PRCP: variants seen among roughly 807,000 people sequenced by gnomAD.
PRCP encodes lysosomal Pro-X carboxypeptidase.
Under a neutral mutation model 54.2 loss-of-function variants are expected in PRCP, and 46 were observed. The observed-to-expected ratio is 0.85, with a 90% CI of 0.67 to 1.09. PRCP has a LOEUF of 1.09. PRCP is among the 50% of genes least tolerant of loss of function. The pLI is 0.00. For synonymous variants in PRCP, 240 were observed against 212.2 expected (o/e 1.13, Z -1.14); for missense variants, 613 against 596.8 (o/e 1.03, Z -0.28).
At chr11:82,842,441 T>C (rs1223135723) in intron 6 of PRCP, among the ~76,000 whole-genome samples, 4 of 152,134 alleles carry the variant, frequency 2.6e-5, no homozygotes, top group Non-Finnish European at 4.4e-5. Context: ...TCCAGCTTTG[T>C]ACACAACTTA....
At chr11:82,841,149 G>A (rs1858657917) in intron 6 of PRCP, among the ~76,000 whole-genome samples, 1 of 149,336 alleles carries the variant, frequency 6.7e-6, no homozygotes, top group Non-Finnish European at 1.5e-5. Flanking sequence ...CTGGGCAGCA[G>A]GAATAACAGG....
In PRCP at chr11:82,838,296, A is replaced by G. The variant is rs956881986; in HGVS notation, c.1274+91T>C. The G allele has an allele frequency of 1.7e-5, 21 of 1,219,866 alleles. No individual in the cohort carries two copies. In the African/African-American group the frequency reaches 3.0e-4, roughly 18 times the overall value. The allele number at this position is 1,219,866 out of a possible 1,614,324, so 75.6% of individuals were successfully genotyped here. A position where few individuals can be genotyped will look rare whatever the true frequency, so the allele number is the denominator to read the frequency against. On this transcript the variant is annotated intron_variant, in intron 8 of 8. Transcript: ENST00000313010. ...TAGCACTGTTGTATTCTATGTTGTT[A>G]TATTGTCCAGCATTTCCCTGGTTCT...
chr11:82,898,439 C>T (rs1860167984), intron 1 of PRCP, among the ~76,000 whole-genome samples: 3 of 152,206 alleles, frequency 2.0e-5, no homozygotes, highest in African/African-American at 7.2e-5. Context: ...TTCTCTTTTT[C>T]ATCAATCCCA....
intron 1 of PRCP, among the ~76,000 whole-genome samples, chr11:82,893,233 AG>A (rs1266132873): frequency 6.6e-6 from 1 of 152,234 alleles, no homozygotes; most frequent in Non-Finnish European, 1.5e-5. Context: ...TCAGCCACTT[AG>A]TCTCTGAGTG....
intron 1 of PRCP, among the ~76,000 whole-genome samples, chr11:82,889,057 CAGG>C (rs1417871467): frequency 1.6e-5 from 2 of 122,584 alleles, no homozygotes; most frequent in Non-Finnish European, 3.2e-5. Flanking sequence ...ACACACTGTC[CAGG>C]AGATTTAAAA....
At chr11:82,895,266 G>A (rs936404754) in intron 1 of PRCP, among the ~76,000 whole-genome samples, 1 of 152,194 alleles carries the variant, frequency 6.6e-6, no homozygotes, top group South Asian at 2.1e-4. Flanking sequence ...TACTCAGGTA[G>A]TGGCAGAAAC....
rs1168355743 is a variant in PRCP at position 82,838,408 on chromosome 11, G to T, written c.1253C>A (p.Ser418Ter). 1.9e-6 allele frequency: 3 copies of T among 1,611,204 alleles called. No individual in the cohort carries two copies. The highest frequency in any genetic ancestry group is 2.2e-5 in the East Asian group (1 of 44,860). ...TTMYGGKNIS[S>*]HTNIVFSNGE... is the part of the protein sequence containing the mutation. ...TCACCTGAAAACAATGTTTGTGTGTGAACTAATGTTTTTGCCTCCATACAT... is the reference window on the plus strand; with the variant it reads ...TCACCTGAAAACAATGTTTGTGTGTTAACTAATGTTTTTGCCTCCATACAT... Residue 418 changes from serine (S) to a stop codon, truncating the protein, a stop_gained, in exon 8 of 9, where the codon TCA (serine) becomes TAA (stop). Transcript: ENST00000313010. LOFTEE classifies it high-confidence loss of function.
intron 6 of PRCP, among the ~76,000 whole-genome samples, chr11:82,841,263 C>T (rs1426810804): frequency 9.1e-6 from 1 of 110,420 alleles, no homozygotes; most frequent in South Asian, 2.7e-4. Context: ...CAGCTGCCAG[C>T]GGGGGAAAAA....
chr11:82,894,475 G>A (rs1374668411), intron 1 of PRCP, among the ~76,000 whole-genome samples: 1 of 152,152 alleles, frequency 6.6e-6, no homozygotes, highest in Non-Finnish European at 1.5e-5. Context: ...CTATAAACAG[G>A]AGGCACTCAG....
intron 1 of PRCP, among the ~76,000 whole-genome samples, chr11:82,878,885 T>C (rs74954373): frequency 1.3e-5 from 2 of 152,178 alleles, no homozygotes; most frequent in Non-Finnish European, 2.9e-5. Context: ...TCTTGTAGAG[T>C]TTCTGCCAAG....
chr11:82,828,345 CA>C (rs1229489398), intron 8 of PRCP: 3 of 149,390 alleles, frequency 2.0e-5, no homozygotes, highest in Admixed American at 6.7e-5. Context: ...GCTTTGGGAT[CA>C]GACACACTTT....
At chr11:82,885,823 A>T (rs192276711) in intron 1 of PRCP, among the ~76,000 whole-genome samples, 19 of 152,298 alleles carry the variant, frequency 1.2e-4, no homozygotes, top group African/African-American at 4.6e-4. Flanking sequence ...TTTATACTCA[A>T]GTTGTTGGGA....
At position 82,850,308 on chromosome 11, in the gene PRCP, G is replaced by C. The variant is rs1470078383; in HGVS notation, c.593+16C>G. On this transcript the variant is annotated intron_variant, in intron 4 of 8. Transcript: ENST00000313010. ...AATCATTAAGAAACGTTCATGTCCA[G>C]TACAAATGCACTTACCCAACTACCA... 1 of 1,485,922 alleles carries C rather than the reference G, an allele frequency of 6.7e-7. No individual in the cohort carries two copies. The highest frequency in any genetic ancestry group is 9.0e-7 in the Non-Finnish European group (1 of 1,112,030). 92.0% of individuals were successfully genotyped at this position (1,485,922 alleles called of 1,614,324 possible). A position where few individuals can be genotyped will look rare whatever the true frequency, so the allele number is the denominator to read the frequency against.
rs141086731 is a variant in PRCP, at chr11:82,883,838, G to GT, written c.168+16396dup. ...TTCCCATCTCTTTTAAAGGGTTGTT[G>GT]TTTTTTTAGAAATTAGACTACATAA... On this transcript the variant is annotated intron_variant, in intron 1 of 8. Coordinates refer to ENST00000313010, the MANE Select transcript of PRCP (RefSeq NM_005040.4). 3.3e-3 allele frequency among the ~76,000 whole-genome samples: 502 copies of GT among 152,194 alleles called. 3 individuals carry two copies. Among genetic ancestry groups the GT allele is most frequent in the African/African-American group, 0.012 (481 of 41,520 alleles).
chr11:82,847,383 C>A (rs1346240001), intron 6 of PRCP, among the ~76,000 whole-genome samples: 6 of 152,182 alleles, frequency 3.9e-5, no homozygotes, highest in Non-Finnish European at 5.9e-5. Flanking sequence ...CCTACTTCTA[C>A]CACCTCTTAG....
chr11:82,839,470 T>G, intron 6 of PRCP, 45 bp from the exon 7 acceptor site: 1 of 1,536,528 alleles, frequency 6.5e-7, no homozygotes, highest in Non-Finnish European at 8.9e-7. Context: ...AGAATATGAA[T>G]ATAAAATGAC....
chr11:82,866,134 A>G (rs1015277933), intron 1 of PRCP, among the ~76,000 whole-genome samples: 11 of 152,192 alleles, frequency 7.2e-5, no homozygotes, highest in African/African-American at 2.7e-4. Context: ...TAAATGTTCT[A>G]CCTTTACTCA....
In PRCP at chr11:82,891,010, A is replaced by G. The variant is rs574254829; in HGVS notation, c.168+9225T>C. On this transcript the variant is annotated intron_variant, in intron 1 of 8. Transcript: ENST00000313010. Reference sequence around the variant, plus strand: ...CTAACTCCTTTGTTGCTCTCTTCCAATCTCATGGTTTTACATACCATCTGT... The same window carrying G: ...CTAACTCCTTTGTTGCTCTCTTCCAGTCTCATGGTTTTACATACCATCTGT... 2.0e-5 allele frequency among the ~76,000 whole-genome samples: 3 copies of G among 152,280 alleles called. No homozygotes were observed. The South Asian group carries it at 6.2e-4, about 32-fold the overall frequency.
chr11:82,897,848 T>C (rs11233366), intron 1 of PRCP, among the ~76,000 whole-genome samples: 37,094 of 152,094 alleles, frequency 0.24, 5,692 homozygotes, highest in African/African-American at 0.44. Flanking sequence ...TAAAACCACA[T>C]CCTTTATATA....
Sources: allele counts gnomAD v4.1 joint callset (sites outside exome capture counted in the v4.1 genomes callset), GRCh38; gene constraint gnomAD v4.1.1; transcripts MANE v1.5; gene names NCBI Gene and HGNC (gene_info 2026-07-23, HGNC 2026-07-21).